MBD5: variants seen among roughly 807,000 people sequenced by gnomAD.
MBD5 encodes the protein methyl-CpG binding domain protein 5, also known as methyl-CpG-binding domain protein 5.
A neutral mutation model predicts 117.3 loss-of-function variants in MBD5; 13 were observed. The ratio of observed to expected loss-of-function variants is 0.11; its 90% CI spans 0.07 to 0.18. The LOEUF (loss-of-function observed/expected upper bound fraction) is 0.18. Ranked by LOEUF, MBD5 falls within the 10% of genes least tolerant of loss-of-function variation. The probability of loss-of-function intolerance (pLI) is 1.00; values close to 1 mark genes in which losing one functional copy is unlikely to be tolerated. For missense variants in MBD5, 1,879 were observed against 2,093.8 expected, an observed-to-expected ratio of 0.90 and a Z score of 2.00; for synonymous variants, 727 against 766.4, an observed-to-expected ratio of 0.95 and a Z score of 0.85.
intron 8 of MBD5, chr2:148,472,456 T>C (rs1387209442): frequency 6.6e-6 from 1 of 152,148 alleles, no homozygotes; most frequent in African/African-American, 2.4e-5. Flanking sequence ...TTAACGTGCA[T>C]AGGTCTGATG....
intron 3 of MBD5, among the ~76,000 whole-genome samples, chr2:148,336,243 T>TC (rs1272006148): frequency 6.6e-6 from 1 of 152,194 alleles, no homozygotes; most frequent in Non-Finnish European, 1.5e-5. Context: ...AATTGATTGA[T>TC]CTCAGTGTCT....
intron 2 of MBD5, among the ~76,000 whole-genome samples, chr2:148,231,075 C>G (rs1014218353): frequency 3.3e-5 from 5 of 152,158 alleles, no homozygotes; most frequent in Non-Finnish European, 7.3e-5. Flanking sequence ...TCACATACCC[C>G]CCTCCTCCAG....
At chr2:148,195,018 G>A (rs1465305206) in intron 2 of MBD5, among the ~76,000 whole-genome samples, 1 of 152,116 alleles carries the variant, frequency 6.6e-6, no homozygotes, top group Non-Finnish European at 1.5e-5. Context: ...TACTGTTTCT[G>A]TCACAACTAC....
At chr2:148,215,395 T>C (rs1699525417) in intron 2 of MBD5, among the ~76,000 whole-genome samples, 1 of 152,228 alleles carries the variant, frequency 6.6e-6, no homozygotes, top group African/African-American at 2.4e-5. Context: ...TTTTAATGCA[T>C]AAAATACATA....
chr2:148,451,437 G>A (rs993460516), intron 4 of MBD5, among the ~76,000 whole-genome samples: 4 of 152,136 alleles, frequency 2.6e-5, no homozygotes, highest in Non-Finnish European at 4.4e-5. Flanking sequence ...AACAGATGGG[G>A]GGAGGTTGAA....
chr2:148,150,788 T>G, intron 1 of MBD5, among the ~76,000 whole-genome samples: 1 of 152,198 alleles, frequency 6.6e-6, no homozygotes, highest in Non-Finnish European at 1.5e-5. Flanking sequence ...TCTACATTCA[T>G]TTTGTATCCT....
chr2:148,061,985 T>G (rs1386170216), intron 1 of MBD5, among the ~76,000 whole-genome samples: 1 of 151,700 alleles, frequency 6.6e-6, no homozygotes, highest in Non-Finnish European at 1.5e-5. Flanking sequence ...TTTCTTTACA[T>G]CTATAGAGGG....
chr2:148,473,029 T>A (rs1040024708), intron 8 of MBD5, among the ~76,000 whole-genome samples: 3 of 152,166 alleles, frequency 2.0e-5, no homozygotes, highest in Non-Finnish European at 4.4e-5. Context: ...AAATTCTTCA[T>A]CTGAAACATT....
At chr2:148,382,748 AAACT>A (rs1286754468) in intron 4 of MBD5, among the ~76,000 whole-genome samples, 2 of 152,200 alleles carry the variant, frequency 1.3e-5, no homozygotes, top group African/African-American at 4.8e-5. Flanking sequence ...AGATTATAAC[AAACT>A]GTCTCTCAAA....
chr2:148,294,514 T>TGTTTTTTTTGTTTTTTGTTTG (rs796734529), intron 3 of MBD5, among the ~76,000 whole-genome samples: 1 of 138,690 alleles, frequency 7.2e-6, no homozygotes, highest in African/African-American at 2.7e-5. Flanking sequence ...TTTTTTTTTT[T>TGTTTTTTTTGTTTTTTGTTTG]TTTTTTTGAG....
intron 3 of MBD5, among the ~76,000 whole-genome samples, chr2:148,283,532 T>C (rs74628709): frequency 0.014 from 2,158 of 152,304 alleles, 61 homozygotes; most frequent in African/African-American, 0.049. Context: ...CTGAGGTAAG[T>C]AGAGCAGGCA....
intron 1 of MBD5, among the ~76,000 whole-genome samples, chr2:148,067,738 C>T (rs947516656): frequency 1.3e-5 from 2 of 152,194 alleles, no homozygotes; most frequent in African/African-American, 4.8e-5. Context: ...CCTAAGCTGG[C>T]TTCTAACATC....
At position 148,188,997 on chromosome 2, in the gene MBD5, G is replaced by T. The variant is rs369477978; in HGVS notation, c.-831+10204G>T. Among the ~76,000 whole-genome samples the T allele has an allele frequency of 4.6e-3, 691 of 149,594 alleles. 5 individuals carry two copies. Among genetic ancestry groups the T allele is most frequent in the African/African-American group, 0.016 (639 of 40,324 alleles). ...TTCCGAGTCAAAGAAAGGGGTGACGGACGCACCTGGAAAATCGGGTCACTC... is the reference window on the plus strand; with the variant it reads ...TTCCGAGTCAAAGAAAGGGGTGACGTACGCACCTGGAAAATCGGGTCACTC... On this transcript the variant is annotated intron_variant, in intron 2 of 13. Coordinates refer to ENST00000642680, the MANE Select transcript of MBD5 (RefSeq NM_001378120.1).
intron 4 of MBD5, among the ~76,000 whole-genome samples, chr2:148,450,739 C>T (rs1223282914): frequency 6.6e-6 from 1 of 152,154 alleles, no homozygotes; most frequent in Admixed American, 6.6e-5. Context: ...CAAGATTCAG[C>T]ATATGGAGTG....
At chr2:148,159,785 C>T (rs940447452) in intron 1 of MBD5, among the ~76,000 whole-genome samples, 3 of 152,092 alleles carry the variant, frequency 2.0e-5, no homozygotes, top group African/African-American at 7.2e-5. Flanking sequence ...CCCTTTCAAT[C>T]CCCTCAACAA....
chr2:148,507,373 A>G (rs1198322362), intron 12 of MBD5, among the ~76,000 whole-genome samples: 1 of 152,224 alleles, frequency 6.6e-6, no homozygotes, highest in Non-Finnish European at 1.5e-5. Context: ...AATTCTTAAA[A>G]AGTCATGAAG....
chr2:148,104,585 G>T (rs1696319263), intron 1 of MBD5, among the ~76,000 whole-genome samples: 1 of 152,102 alleles, frequency 6.6e-6, no homozygotes, highest in Non-Finnish European at 1.5e-5. Flanking sequence ...AAAAATGAGT[G>T]TTTAAAAATT....
At chr2:148,399,744 G>A (rs1445347706) in intron 4 of MBD5, among the ~76,000 whole-genome samples, 4 of 152,094 alleles carry the variant, frequency 2.6e-5, no homozygotes, top group Non-Finnish European at 4.4e-5. Flanking sequence ...TTTTCAAAGG[G>A]AATGCTTCCA....
intron 1 of MBD5, among the ~76,000 whole-genome samples, chr2:148,144,475 G>C (rs1180951820): frequency 6.6e-6 from 1 of 152,142 alleles, no homozygotes; most frequent in Non-Finnish European, 1.5e-5. Context: ...GTCAATTTTG[G>C]CTTTGGTTGC....
Sources: allele counts gnomAD v4.1 joint callset (sites outside exome capture counted in the v4.1 genomes callset), GRCh38; gene constraint gnomAD v4.1.1; transcripts MANE v1.5; gene names NCBI Gene and HGNC (gene_info 2026-07-23, HGNC 2026-07-21).